CPED1: variants seen among roughly 807,000 people sequenced by gnomAD.
CPED1 encodes the protein cadherin like and PC-esterase domain containing 1.
CPED1 carries 114 observed loss-of-function variants against 128.2 expected under a neutral mutation model. The observed-to-expected ratio is 0.89, with a 90% confidence interval of 0.76 to 1.04. The LOEUF is 1.04. Ranked by LOEUF, CPED1 falls within the 50% of genes least tolerant of loss-of-function variation. The pLI, the probability that CPED1 is intolerant of heterozygous loss-of-function variation, is 0.00. For missense variants in CPED1, 1,211 were observed against 1,207.1 expected (o/e 1.00, Z -0.05); for synonymous variants, 462 against 426.7 (o/e 1.08, Z -1.02).
intron 7 of CPED1, among the ~76,000 whole-genome samples, chr7:121,121,586 C>T (rs1428373276): frequency 3.3e-5 from 5 of 152,030 alleles, no homozygotes; most frequent in Non-Finnish European, 5.9e-5. Context: ...GATTTCCTTG[C>T]GAACTTATAT....
chr7:121,277,127 A>C (rs1016548637), intron 22 of CPED1, among the ~76,000 whole-genome samples: 13 of 152,152 alleles, frequency 8.5e-5, no homozygotes, highest in Non-Finnish European at 1.8e-4. Context: ...CTGGTTTTAA[A>C]AAATGATATC....
chr7:121,090,166 G>C (rs1794538611), intron 5 of CPED1, among the ~76,000 whole-genome samples: 1 of 152,132 alleles, frequency 6.6e-6, no homozygotes. Context: ...GAGCGTTCAT[G>C]GCTTGCGTTT....
intron 2 of CPED1, among the ~76,000 whole-genome samples, chr7:121,007,648 G>A (rs1464993888): frequency 3.3e-5 from 5 of 152,028 alleles, no homozygotes; most frequent in Non-Finnish European, 7.4e-5. Flanking sequence ...ATAGAAACTA[G>A]GCTTACAGAC....
chr7:121,172,265 A>G (rs1368727201), intron 16 of CPED1, among the ~76,000 whole-genome samples: 1 of 152,204 alleles, frequency 6.6e-6, no homozygotes, highest in Non-Finnish European at 1.5e-5. Flanking sequence ...TATTACAGAT[A>G]AATGATGATT....
intron 2 of CPED1, among the ~76,000 whole-genome samples, chr7:121,004,052 T>C (rs935388666): frequency 5.3e-5 from 8 of 152,220 alleles, no homozygotes; most frequent in African/African-American, 1.7e-4. Flanking sequence ...TTGCCAGGTA[T>C]GTGCCTCTAT....
chr7:121,262,631 G>T (rs1792043397), intron 18 of CPED1, among the ~76,000 whole-genome samples: 1 of 152,002 alleles, frequency 6.6e-6, no homozygotes, highest in Non-Finnish European at 1.5e-5. Flanking sequence ...GGGAGAGAAA[G>T]AATTATTTAT....
intron 2 of CPED1, among the ~76,000 whole-genome samples, chr7:120,996,450 G>A (rs573445001): frequency 6.6e-6 from 1 of 152,110 alleles, no homozygotes; most frequent in Non-Finnish European, 1.5e-5. Context: ...CTTGTTCACA[G>A]CCCTTATTCA....
chr7:121,218,169 A>G (rs1012749016), intron 16 of CPED1, among the ~76,000 whole-genome samples: 10 of 110,004 alleles, frequency 9.1e-5, no homozygotes, highest in Non-Finnish European at 1.2e-4. Flanking sequence ...TTTTTTTTGT[A>G]TTTTTAGTAG....
chr7:121,222,807 G>T (rs894026241), intron 16 of CPED1, among the ~76,000 whole-genome samples: 4 of 152,150 alleles, frequency 2.6e-5, no homozygotes, highest in African/African-American at 9.7e-5. Flanking sequence ...CATTGATTTT[G>T]TATCCTGAGA....
At chr7:121,267,712 A>G (rs1792157430) in intron 21 of CPED1, among the ~76,000 whole-genome samples, 1 of 152,030 alleles carries the variant, frequency 6.6e-6, no homozygotes, top group African/African-American at 2.4e-5. Flanking sequence ...TAGCCTCAGC[A>G]CTAAATAGAA....
At chr7:121,052,719 T>G (rs188500304) in intron 4 of CPED1, among the ~76,000 whole-genome samples, 26 of 152,100 alleles carry the variant, frequency 1.7e-4, no homozygotes, top group Admixed American at 3.3e-4. Flanking sequence ...TTTTAAAAAT[T>G]TAAATTTTTA....
chr7:121,168,492 T>C (rs1796583220), intron 16 of CPED1, among the ~76,000 whole-genome samples: 1 of 152,198 alleles, frequency 6.6e-6, no homozygotes, highest in Non-Finnish European at 1.5e-5. Flanking sequence ...GTATATGGGG[T>C]ACATGAGATG....
In CPED1 at chr7:121,136,041, T is replaced by C; in HGVS notation, c.1650T>C (p.Ala550=). 1 of 1,524,356 alleles carries C rather than the reference T, an allele frequency of 6.6e-7. No homozygotes were observed. Among genetic ancestry groups the C allele is most frequent in the Non-Finnish European group, 8.8e-7 (1 of 1,137,792 alleles). The allele number at this position is 1,524,356 out of a possible 1,614,324, so 94.4% of individuals were successfully genotyped here. A position where few individuals can be genotyped will look rare whatever the true frequency, so the allele number is the denominator to read the frequency against. ...ATTTACATTTCTTTTTTTTTTTAGCTGCAGTTCCACAAATTAAAAATGAAA... is the reference window on the plus strand; with the variant it reads ...ATTTACATTTCTTTTTTTTTTTAGCCGCAGTTCCACAAATTAAAAATGAAA... ...VPFDAIENKK[A]AVPQIKNENK... The change falls in exon 14 of 23, where the codon GCT becomes GCC. Residue 550 remains alanine (A), a splice_region_variant and synonymous_variant. Coordinates refer to ENST00000310396, the MANE Select transcript of CPED1 (RefSeq NM_024913.5).
At chr7:121,044,906 A>T (rs1000522500) in intron 3 of CPED1, among the ~76,000 whole-genome samples, 1 of 152,052 alleles carries the variant, frequency 6.6e-6, no homozygotes, top group African/African-American at 2.4e-5. Flanking sequence ...CATGATTTGA[A>T]ATCCCTCTGT....
chr7:121,086,390 T>G, intron 5 of CPED1, among the ~76,000 whole-genome samples: 1 of 152,340 alleles, frequency 6.6e-6, no homozygotes, highest in East Asian at 1.9e-4. Context: ...GGAAAGATTT[T>G]AATAAGGTAT....
At chr7:121,248,418 A>T (rs776441855) in intron 18 of CPED1, among the ~76,000 whole-genome samples, 2 of 152,086 alleles carry the variant, frequency 1.3e-5, no homozygotes, top group Non-Finnish European at 2.9e-5. Context: ...TAATGAGAGG[A>T]GGTGACCTCT....
In CPED1 at chr7:121,127,222, A is replaced by T; in HGVS notation, c.1267A>T (p.Ile423Leu). The T allele has an allele frequency of 1.3e-6, 2 of 1,591,300 alleles. No individual in the cohort carries two copies. The highest frequency in any genetic ancestry group is 1.7e-6 in the Non-Finnish European group (2 of 1,162,168). The change falls in exon 10 of 23, where the codon ATA (isoleucine) becomes TTA (leucine). Residue 423 changes from isoleucine to leucine, a missense_variant. By Grantham distance (5) the Ile-to-Leu change is conservative (BLOSUM62 2). Coordinates refer to ENST00000310396, the MANE Select transcript of CPED1 (RefSeq NM_024913.5). ...ATCATCACTTTCCATATTTTCTGAG[A>T]TATTTCAGAGACTTTATAGATCAGA... The part of the protein sequence containing the change: ...NESSLSIFSE[I>L]FQRLYRSDVF...
intron 14 of CPED1, among the ~76,000 whole-genome samples, chr7:121,138,059 C>T (rs545253228): frequency 1.6e-4 from 25 of 151,966 alleles, no homozygotes; most frequent in African/African-American, 5.8e-4. Flanking sequence ...AAAATTAGTC[C>T]TGCCTGGATC....
At chr7:121,261,793 G>T in intron 18 of CPED1, 1 of 1,482,380 alleles carries the variant, frequency 6.7e-7, no homozygotes, top group Non-Finnish European at 9.1e-7. Context: ...AATTGGGTTT[G>T]ACCTATTCCA....
Sources: gnomAD v4.1 joint callset for allele counts (sites outside exome capture counted in the v4.1 genomes callset) on GRCh38, gnomAD v4.1.1 for gene constraint, MANE v1.5 for transcripts, NCBI Gene and HGNC (gene_info 2026-07-23, HGNC 2026-07-21) for gene names.